Variants in REN observed in about 807,000 individuals in gnomAD.
REN encodes angiotensin-forming enzyme.
Under a neutral mutation model 48.6 loss-of-function variants are expected in REN, and 42 were observed. The ratio of observed to expected loss-of-function variants is 0.86; its 90% CI spans 0.68 to 1.12. The LOEUF (loss-of-function observed/expected upper bound fraction) is 1.12. REN is among the 50% of genes most tolerant of loss of function. The pLI, the probability that REN is intolerant of heterozygous loss-of-function variation, is 0.00. For missense variants in REN, 443 were observed against 527.3 expected (o/e 0.84, Z 1.57); for synonymous variants, 196 against 204.6 (o/e 0.96, Z 0.36).
At chr1:204,162,214 C>T (rs1658259189) in intron 1 of REN, 51 bp from the exon 2 acceptor site, 2 of 1,604,946 alleles carry the variant, frequency 1.2e-6, no homozygotes, top group Non-Finnish European at 1.7e-6. Flanking sequence ...ACCTCCACCA[C>T]AGTGGTGGAG....
At chr1:204,160,533 C>A (rs373460073) in intron 4 of REN, 27 bp downstream of exon 4, 9 of 1,490,746 alleles carry the variant, frequency 6.0e-6, no homozygotes, top group Non-Finnish European at 7.5e-6. Context: ...GGGTCCGGGG[C>A]AGATGACCTA....
In REN at chr1:204,154,832, T is replaced by A. The variant is rs1571643485; in HGVS notation, c.*184A>T. 8.8e-6 allele frequency: 6 copies of A among 678,316 alleles called. No homozygotes were observed. The East Asian group carries it at 1.6e-4, about 19-fold the overall frequency. 42.0% of individuals were successfully genotyped at this position (678,316 alleles called of 1,614,324 possible). A position where few individuals can be genotyped will look rare whatever the true frequency, so the allele number is the denominator to read the frequency against. On this transcript the variant is annotated 3_prime_UTR_variant, in exon 10 of 10. Coordinates refer to ENST00000272190, the MANE Select transcript of REN (RefSeq NM_000537.4). ...GATGCAACAGGCTGTGAACATGAAG[T>A]CTTTATTCTCTTTGTCCTCAAAGCA...
At position 204,156,137 on chromosome 1, in the gene REN, G is replaced by A. The variant is rs760887431; in HGVS notation, c.960+41C>T. ...GATTTGTGAGCCGATACCAGGTGGC[G>A]CTCCCCCCACCCACAGCACCTTCCC... On this transcript the variant is annotated intron_variant, in intron 8 of 9. Transcript: ENST00000272190. The surrounding 1 kb of genome is among the most constrained non-coding windows in gnomAD (Gnocchi z 4.2). The A allele has an allele frequency of 3.1e-5, 50 of 1,613,496 alleles. No individual in the cohort carries two copies. The highest frequency in any genetic ancestry group is 1.3e-4 in the African/African-American group (10 of 74,896).
Position 204,156,190 on chromosome 1 carries a change from C to A in REN, c.948G>T (p.Lys316Asn), listed in dbSNP as rs1311159103. Residue 316 changes from lysine to asparagine, a missense_variant, in exon 8 of 10, where the codon AAG becomes AAT. Transcript: ENST00000272190. The surrounding 1 kb of genome is among the most constrained non-coding windows in gnomAD (Gnocchi z 4.2). ...TTTGGCTTCTTACATCAAACAGCCT[C>A]TTCTTGGCTCCCAAGGCCTCCATGA... ...EKLMEALGAK[K>N]RLFDYVVKCN... 9 of 1,614,138 alleles carry A rather than the reference C, an allele frequency of 5.6e-6. No homozygotes were observed. In the African/African-American group the frequency reaches 8.0e-5, roughly 14 times the overall value.
chr1:204,155,216 T>C, intron 9 of REN, 39 bp from the exon 10 acceptor site: 1 of 1,611,038 alleles, frequency 6.2e-7, no homozygotes, highest in East Asian at 2.2e-5. Context: ...ACCCAGCACA[T>C]GAGCATTCTC....
chr1:204,158,779 T>C (rs1658193927), intron 5 of REN, among the ~76,000 whole-genome samples: 1 of 152,250 alleles, frequency 6.6e-6, no homozygotes, highest in African/African-American at 2.4e-5. Context: ...TGTTGGAATA[T>C]GTCTTGTCTT....
rs201011606 is a variant in REN at position 204,155,960 on chromosome 1, C to A, written c.961-42G>T. On this transcript the variant is annotated intron_variant, in intron 8 of 9. Transcript: ENST00000272190. The stretch of plus-strand genomic sequence containing the variant: ...AGAGAGCCTTCTTGAGTATGGAAGA[C>A]GTCTCAGCAGACAAGGAGTCCTGCG... The A allele has an allele frequency of 6.4e-5, 99 of 1,553,370 alleles. 1 individual carries two copies. In the East Asian group the frequency reaches 2.2e-3, roughly 35 times the overall value.
intron 5 of REN, 73 bp from the exon 6 acceptor site, chr1:204,157,442 G>A: frequency 1.2e-6 from 2 of 1,605,640 alleles, no homozygotes; most frequent in South Asian, 2.2e-5. Flanking sequence ...TGTTTGGCAG[G>A]GTGGGTGTTA....
At chr1:204,155,975 G>C (rs1658140107) in intron 8 of REN, 57 bp from the exon 9 acceptor site, 9 of 1,498,300 alleles carry the variant, frequency 6.0e-6, no homozygotes. Context: ...CAGCAGACAA[G>C]GAGTCCTGCG....
rs1658349579 is a variant in REN at position 204,166,333 on chromosome 1, G to T, written c.-40C>A. ...GGGGCTCTCTCTGAGATCCACTGAG[G>T]TTCTGTGGCTCCCTTAGCCCTTCCC... On this transcript the variant is annotated 5_prime_UTR_variant, in exon 1 of 10. Coordinates refer to ENST00000272190, the MANE Select transcript of REN (RefSeq NM_000537.4). 1 of 1,550,098 alleles carries T rather than the reference G, an allele frequency of 6.5e-7. No individual in the cohort carries two copies. The highest frequency in any genetic ancestry group is 8.9e-7 in the Non-Finnish European group (1 of 1,121,556).
intron 4 of REN, 118 bp from the exon 5 acceptor site, chr1:204,159,713 G>T: frequency 1.2e-6 from 1 of 860,134 alleles, no homozygotes; most frequent in East Asian, 2.6e-5. Flanking sequence ...ACAGAAATCG[G>T]GGTAAGAGTA....
Position 204,160,552 on chromosome 1 carries a change from C to T in REN, c.492+8G>A, listed in dbSNP as rs1218734385. ...CCGGGGCAGATGACCTAGGGCGGCC[C>T]AACTTACGGTGATGATGTCCTGGCT... is the stretch of plus-strand genomic sequence containing the variant. On this transcript the variant is annotated splice_region_variant and intron_variant, in intron 4 of 9. Coordinates refer to ENST00000272190, the MANE Select transcript of REN (RefSeq NM_000537.4). 4 of 1,605,184 alleles carry T rather than the reference C, an allele frequency of 2.5e-6. No homozygotes were observed. The highest frequency in any genetic ancestry group is 1.7e-5 in the Admixed American group (1 of 59,990).
intron 5 of REN, 71 bp downstream of exon 5, chr1:204,159,328 C>G (rs1177116442): frequency 7.1e-7 from 1 of 1,409,788 alleles, no homozygotes; most frequent in Non-Finnish European, 1.0e-6. Context: ...CTGGCCCAGA[C>G]TCTCCTTCCA....
intron 4 of REN, 27 bp from the exon 5 acceptor site, chr1:204,159,622 C>A (rs757306159): frequency 1.0e-5 from 16 of 1,606,726 alleles, no homozygotes; most frequent in African/African-American, 4.0e-5. Flanking sequence ...CAGAGGAGAC[C>A]AAGCCCACTG....
intron 4 of REN, among the ~76,000 whole-genome samples, chr1:204,160,249 C>T (rs185965313): frequency 1.3e-5 from 2 of 152,226 alleles, no homozygotes; most frequent in African/African-American, 4.8e-5. Context: ...GGGTGTAGCC[C>T]AGTCAGAGCT....
intron 1 of REN, among the ~76,000 whole-genome samples, chr1:204,163,688 G>T (rs6676670): frequency 0.2 from 29,938 of 151,960 alleles, 3,197 homozygotes; most frequent in East Asian, 0.44. Context: ...TCACCTTCCC[G>T]TGGGCCTCAG....
chr1:204,161,964 T>G (rs771807204), intron 2 of REN, 49 bp downstream of exon 2: 1 of 1,608,530 alleles, frequency 6.2e-7, no homozygotes, highest in South Asian at 1.1e-5. Flanking sequence ...CCTAGGTCCA[T>G]GAGGGAAAGG....
At position 204,156,838 on chromosome 1, in the gene REN, A is replaced by C. The variant is rs777305667; in HGVS notation, c.699-42T>G. 3 of 1,611,198 alleles carry C rather than the reference A, an allele frequency of 1.9e-6. No homozygotes were observed. The South Asian group carries it at 3.3e-5, about 18-fold the overall frequency. On this transcript the variant is annotated intron_variant, in intron 6 of 9. Coordinates refer to ENST00000272190, the MANE Select transcript of REN (RefSeq NM_000537.4). The surrounding 1 kb of genome is among the most constrained non-coding windows in gnomAD (Gnocchi z 4.2). ...AAGCTCTTGGAAACCCATAACCTCC[A>C]GGACCCAGCAACTCAGGCAATTGGG...
chr1:204,160,460 G>T, intron 4 of REN, 100 bp downstream of exon 4: 1 of 819,586 alleles, frequency 1.2e-6, no homozygotes, highest in Non-Finnish European at 2.2e-6. Context: ...CTCCAAGTGG[G>T]CTGCAGTGTA....
Sources: allele counts gnomAD v4.1 joint callset (sites outside exome capture counted in the v4.1 genomes callset), GRCh38; gene constraint gnomAD v4.1.1; non-coding constraint Gnocchi (gnomAD v3.1); transcripts MANE v1.5; gene names NCBI Gene and HGNC (gene_info 2026-07-23, HGNC 2026-07-21).